MS4A13: variants seen among roughly 807,000 people sequenced by gnomAD.
MS4A13 encodes membrane spanning 4-domains A13, also known as membrane-spanning 4-domains subfamily A member 13.
MS4A13 carries 21 observed loss-of-function variants against 18.4 expected under a neutral mutation model. The ratio of observed to expected loss-of-function variants is 1.14; its 90% CI spans 0.81 to 1.64. The LOEUF (loss-of-function observed/expected upper bound fraction) is 1.64. Ranked by LOEUF, MS4A13 falls within the 40% of genes most tolerant of loss-of-function variation. The probability of loss-of-function intolerance (pLI) is 0.00; values close to 1 mark genes in which losing one functional copy is unlikely to be tolerated. For missense variants in MS4A13, 173 were observed against 176.8 expected (o/e 0.98, Z 0.12); for synonymous variants, 62 against 57.2 (o/e 1.08, Z -0.38).
chr11:60,518,298 A>G (rs2086651653), intron 3 of MS4A13, 86 bp downstream of exon 3: 1 of 1,149,302 alleles, frequency 8.7e-7, no homozygotes, highest in South Asian at 1.8e-5. Context: ...GTTTCTGAAC[A>G]AGGTTTTCAG....
intron 3 of MS4A13, among the ~76,000 whole-genome samples, chr11:60,518,447 T>C (rs932563844): frequency 2.0e-5 from 3 of 152,164 alleles, no homozygotes; most frequent in African/African-American, 7.2e-5. Flanking sequence ...ATGACAACCA[T>C]AGGGCAGTTT....
At chr11:60,519,869 G>C (rs938062989) in intron 3 of MS4A13, among the ~76,000 whole-genome samples, 11 of 152,276 alleles carry the variant, frequency 7.2e-5, no homozygotes, top group African/African-American at 2.2e-4. Context: ...GGGGTCAAAG[G>C]GTTGTTAGAA....
intron 3 of MS4A13, among the ~76,000 whole-genome samples, chr11:60,519,869 G>A (rs938062989): frequency 6.6e-6 from 1 of 152,158 alleles, no homozygotes; most frequent in Admixed American, 6.5e-5. Flanking sequence ...GGGGTCAAAG[G>A]GTTGTTAGAA....
At chr11:60,527,404 CTCTCTCTGTGTGTGTGTGTGTG>C in intron 5 of MS4A13, among the ~76,000 whole-genome samples, 1 of 73,522 alleles carries the variant, frequency 1.4e-5, no homozygotes, top group South Asian at 5.8e-4. Flanking sequence ...CTCTCTCTCT[CTCTCTCTGTGTGTGTGTGTGTG>C]TGTGTGTGTG....
chr11:60,531,056 A>C (rs1345411803), intron 6 of MS4A13, among the ~76,000 whole-genome samples: 10 of 152,172 alleles, frequency 6.6e-5, no homozygotes, highest in Non-Finnish European at 1.5e-4. Context: ...GTGTGAAAAC[A>C]GACTAATATA....
At position 60,542,657 on chromosome 11, in the gene MS4A13, C is replaced by G. The variant is rs765990842; in HGVS notation, c.*82C>G. 2 of 774,504 alleles carry G rather than the reference C, an allele frequency of 2.6e-6. No individual in the cohort carries two copies. The highest frequency in any genetic ancestry group is 2.7e-5 in the East Asian group (1 of 36,552). 48.0% of individuals were successfully genotyped at this position (774,504 alleles called of 1,614,324 possible). A position where few individuals can be genotyped will look rare whatever the true frequency, so the allele number is the denominator to read the frequency against. On this transcript the variant is annotated 3_prime_UTR_variant, in exon 7 of 7. Transcript: ENST00000378186. The stretch of plus-strand genomic sequence containing the variant: ...ATATCTCTGTATAACAAAGCAGTTA[C>G]GAAGCCTACAGATTTTGTGCAAAAT...
chr11:60,515,726 C>G (rs1432893514), intron 1 of MS4A13, 119 bp downstream of exon 1: 2 of 152,186 alleles, frequency 1.3e-5, no homozygotes, highest in Admixed American at 1.3e-4. Context: ...ATTTACTACT[C>G]AGAGATGATA....
intron 3 of MS4A13, among the ~76,000 whole-genome samples, chr11:60,518,484 A>G (rs778074071): frequency 1.3e-5 from 2 of 152,176 alleles, no homozygotes; most frequent in Non-Finnish European, 2.9e-5. Flanking sequence ...AAGGCAAAGA[A>G]TCTTAACTAT....
chr11:60,521,847 A>G (rs1354897145), intron 3 of MS4A13, among the ~76,000 whole-genome samples: 4 of 152,196 alleles, frequency 2.6e-5, no homozygotes, highest in African/African-American at 9.7e-5. Flanking sequence ...TGCTGCTAAT[A>G]AAGACATACC....
Position 60,529,426 on chromosome 11 carries a change from C to T in MS4A13, c.368C>T (p.Ala123Val). 2 of 1,608,872 alleles carry T rather than the reference C, an allele frequency of 1.2e-6. No individual in the cohort carries two copies. Among genetic ancestry groups the T allele is most frequent in the South Asian group, 1.1e-5 (1 of 90,248 alleles). Residue 123 changes from alanine to valine, a missense_variant, in exon 6 of 7, where the codon GCA becomes GTA. Transcript: ENST00000378186. ...TTCTACGGTTTGGAATTTTCTATTG[C>T]ACTTACACACTCAATATACAGCTGT... ...LFFYGLEFSI[A>V]LTHSIYSCSN... is the part of the protein sequence containing the mutation.
rs1334760461 is a variant in MS4A13, at chr11:60,542,559, C to A, written c.443C>A (p.Ala148Asp). The change falls in exon 7 of 7, where the codon GCT becomes GAT. Residue 148 changes from alanine (A) to aspartate (D), a missense_variant. Transcript: ENST00000378186. ...GATCTTACATCTGTTACTGAGGAAG[C>A]TGAGAGCACTCCTTAAAAACCCTAG... ...QNDLTSVTEE[A>D]ESTP 3.1e-6 allele frequency: 5 copies of A among 1,610,024 alleles called. No homozygotes were observed. The highest frequency in any genetic ancestry group is 4.2e-6 in the Non-Finnish European group (5 of 1,177,562).
chr11:60,540,447 CAAT>C (rs2086848113), intron 6 of MS4A13, among the ~76,000 whole-genome samples: 1 of 151,718 alleles, frequency 6.6e-6, no homozygotes, highest in Non-Finnish European at 1.5e-5. Context: ...GAATAGATGA[CAAT>C]AATAGCACAA....
At chr11:60,536,502 A>G (rs2086809793) in intron 6 of MS4A13, among the ~76,000 whole-genome samples, 1 of 33,022 alleles carries the variant, frequency 3.0e-5, no homozygotes, top group Admixed American at 4.8e-4. Flanking sequence ...AGAACTACAA[A>G]CCACTGCTCA....
At chr11:60,517,034 G>A (rs2135245231) in intron 2 of MS4A13, among the ~76,000 whole-genome samples, 1 of 151,536 alleles carries the variant, frequency 6.6e-6, no homozygotes, top group South Asian at 2.1e-4. Flanking sequence ...CAGGCCCTAA[G>A]GGATTTTGCA....
rs1394308820 is a variant in MS4A13, at chr11:60,515,959, T to C, written c.-128-10T>C. ...AAAATAATGTATATGTGCTTTGTACTGTTTTGTAGAAGTTTGCTAATAAAG... is the reference window on the plus strand; with the variant it reads ...AAAATAATGTATATGTGCTTTGTACCGTTTTGTAGAAGTTTGCTAATAAAG... On this transcript the variant is annotated splice_polypyrimidine_tract_variant and intron_variant, in intron 1 of 6. Coordinates refer to ENST00000378186, the MANE Select transcript of MS4A13 (RefSeq NM_001012417.3). The C allele has an allele frequency of 6.6e-6, 1 of 152,244 alleles. No individual in the cohort carries two copies. The highest frequency in any genetic ancestry group is 1.5e-5 in the Non-Finnish European group (1 of 68,044). 9.4% of individuals were successfully genotyped at this position (152,244 alleles called of 1,614,324 possible). A position where few individuals can be genotyped will look rare whatever the true frequency, so the allele number is the denominator to read the frequency against.
chr11:60,527,834 T>G (rs1031638438), intron 5 of MS4A13, among the ~76,000 whole-genome samples: 3 of 151,952 alleles, frequency 2.0e-5, no homozygotes, highest in African/African-American at 7.3e-5. Flanking sequence ...AGACTCAGTC[T>G]CAAAATAAAT....
At chr11:60,538,326 G>A (rs2086827069) in intron 6 of MS4A13, among the ~76,000 whole-genome samples, 1 of 151,698 alleles carries the variant, frequency 6.6e-6, no homozygotes, top group African/African-American at 2.4e-5. Flanking sequence ...TAGACAGGAG[G>A]AGTAAGCTTT....
intron 3 of MS4A13, among the ~76,000 whole-genome samples, chr11:60,523,547 A>G (rs2135253184): frequency 6.6e-6 from 1 of 152,332 alleles, no homozygotes. Flanking sequence ...TCATCTCATT[A>G]GGAAGGATAA....
chr11:60,542,555 G>A lies in MS4A13; in HGVS notation c.439G>A (p.Glu147Lys), dbSNP rs2086869128. 3 of 1,610,056 alleles carry A rather than the reference G, an allele frequency of 1.9e-6. No individual in the cohort carries two copies. The Admixed American group carries it at 5.0e-5, about 27-fold the overall frequency. The change falls in exon 7 of 7, where the codon GAA becomes AAA. Residue 147 changes from glutamate (E) to lysine (K), a missense_variant. Glu to Lys is a moderately conservative substitution (Grantham distance 56). Transcript: ENST00000378186. ...AAATGATCTTACATCTGTTACTGAG[G>A]AAGCTGAGAGCACTCCTTAAAAACC... is the stretch of plus-strand genomic sequence containing the variant. The part of the protein sequence containing the change: ...RQNDLTSVTE[E>K]AESTP
Sources: allele counts gnomAD v4.1 joint callset (sites outside exome capture counted in the v4.1 genomes callset), GRCh38; gene constraint gnomAD v4.1.1; transcripts MANE v1.5; gene names NCBI Gene and HGNC (gene_info 2026-07-23, HGNC 2026-07-21).